The following ZFR2 variants were observed in gnomAD, a reference collection of about 807,000 sequenced individuals.
The protein encoded by ZFR2 is zinc finger RNA-binding protein 2.
A neutral mutation model predicts 105.7 loss-of-function variants in ZFR2; 104 were observed. The observed-to-expected ratio is 0.98, with a 90% CI of 0.84 to 1.16. ZFR2 has a LOEUF of 1.16. Ranked by LOEUF, ZFR2 falls within the 50% of genes most tolerant of loss-of-function variation. The pLI, the probability that ZFR2 is intolerant of heterozygous loss-of-function variation, is 0.00. For synonymous variants in ZFR2, 634 were observed against 597.7 expected (o/e 1.06, Z -0.89); for missense variants, 1,425 against 1,355.5 (o/e 1.05, Z -0.80).
chr19:3,819,574 C>T (rs1390266587), intron 11 of ZFR2, among the ~76,000 whole-genome samples: 1 of 152,230 alleles, frequency 6.6e-6, no homozygotes, highest in Non-Finnish European at 1.5e-5. Flanking sequence ...CCCATTGAGG[C>T]CGGGCGCGGT....
intron 9 of ZFR2, 85 bp downstream of exon 9, chr19:3,821,996 A>C (rs1599229014): frequency 6.7e-7 from 1 of 1,492,012 alleles, no homozygotes. Flanking sequence ...ACACGCGCGG[A>C]AGAGGCCCGA....
intron 1 of ZFR2, among the ~76,000 whole-genome samples, chr19:3,849,287 T>C (rs1004110725): frequency 1.3e-5 from 2 of 152,240 alleles, no homozygotes; most frequent in African/African-American, 4.8e-5. Context: ...GCTCCTGCTG[T>C]GCCTCCGCAC....
Position 3,822,173 on chromosome 19 carries a change from G to T in ZFR2, c.1399C>A (p.Arg467Ser), listed in dbSNP as rs768433061. The T allele has an allele frequency of 6.2e-7, 1 of 1,604,718 alleles. No individual in the cohort carries two copies. Among genetic ancestry groups the T allele is most frequent in the Non-Finnish European group, 8.5e-7 (1 of 1,176,116 alleles). Residue 467 changes from arginine to serine, a missense_variant, in exon 9 of 19, where the codon CGC (arginine) becomes AGC (serine). Physicochemically the swap from Arg to Ser is moderately radical, Grantham distance 110. Coordinates refer to ENST00000262961, the MANE Select transcript of ZFR2 (RefSeq NM_015174.2). ...EVFSDEGRVLRFHCKLCECSF... is the reference protein window; with the variant it reads ...EVFSDEGRVLSFHCKLCECSF... ...CACTCGCACAGCTTGCAGTGGAAGC[G>T]AAGCACTCGCCCTTCGTCGCTGAAC...
chr19:3,825,552 C>T, intron 6 of ZFR2, 145 bp from the exon 7 acceptor site: 1 of 1,120,834 alleles, frequency 8.9e-7, no homozygotes, highest in Non-Finnish European at 1.2e-6. Flanking sequence ...TCTCCTCCTG[C>T]TCTCTGGATA....
At position 3,851,260 on chromosome 19, in the gene ZFR2, C is replaced by T. The variant is rs1010800876; in HGVS notation, c.54-16277G>A. On this transcript the variant is annotated intron_variant, in intron 1 of 18. Transcript: ENST00000262961. ...CAGAACACATGCGCCATCATGTCAC[C>T]GGCAGGAAAGCACAGTCAAAGCCAG... Among the ~76,000 whole-genome samples the T allele has an allele frequency of 4.6e-5, 7 of 152,120 alleles. No homozygotes were observed. The South Asian group carries it at 6.2e-4, about 14-fold the overall frequency.
At chr19:3,815,263 T>C (rs900556945) in intron 13 of ZFR2, among the ~76,000 whole-genome samples, 1 of 152,116 alleles carries the variant, frequency 6.6e-6, no homozygotes, top group Non-Finnish European at 1.5e-5. Context: ...CTAATTTTTG[T>C]ATTTTTAGTA....
chr19:3,844,085 G>C (rs2038164817), intron 1 of ZFR2, among the ~76,000 whole-genome samples: 2 of 151,476 alleles, frequency 1.3e-5, no homozygotes, highest in South Asian at 4.2e-4. Flanking sequence ...CTTCAGTTTG[G>C]GAAGATGAGA....
intron 8 of ZFR2, 145 bp from the exon 9 acceptor site, chr19:3,822,345 T>A: frequency 1.5e-6 from 2 of 1,362,618 alleles, no homozygotes; most frequent in Non-Finnish European, 2.0e-6. Context: ...TCTTGCTGTG[T>A]CACCCAAGCT....
At chr19:3,844,309 T>A (rs1440343317) in intron 1 of ZFR2, among the ~76,000 whole-genome samples, 11 of 152,104 alleles carry the variant, frequency 7.2e-5, no homozygotes, top group Admixed American at 7.2e-4. Flanking sequence ...TAGAAATTTC[T>A]GAATATTATA....
chr19:3,847,059 G>C (rs1200615233), intron 1 of ZFR2, among the ~76,000 whole-genome samples: 1 of 152,146 alleles, frequency 6.6e-6, no homozygotes, highest in Non-Finnish European at 1.5e-5. Flanking sequence ...GCTGACTGTT[G>C]GTGGCAGTCC....
intron 13 of ZFR2, 53 bp from the exon 14 acceptor site, chr19:3,814,011 T>C: frequency 6.2e-7 from 1 of 1,605,206 alleles, no homozygotes; most frequent in Non-Finnish European, 8.5e-7. Context: ...CAGATTCATG[T>C]GTAAATCAGC....
In ZFR2 at chr19:3,827,567, G is replaced by A. The variant is rs200192294; in HGVS notation, c.939C>T (p.Arg313=). 1.5e-3 allele frequency: 2,284 copies of A among 1,567,982 alleles called. 1 individual carries two copies. Among genetic ancestry groups the A allele is most frequent in the Non-Finnish European group, 1.8e-3 (2,057 of 1,156,950 alleles). Residue 313 remains arginine (R), a synonymous_variant, in exon 6 of 19, where the codon CGC becomes CGT. Transcript: ENST00000262961. The part of the protein sequence containing the change: ...KTGVQPNGSP[R]GVQAQLHCDL... ...CGCAATGCAGCTGCGCCTGCACCCC[G>A]CGCGGGCTCCCGTTGGGCTGCACGC... is the stretch of plus-strand genomic sequence containing the variant.
chr19:3,810,785 G>C lies in ZFR2; in HGVS notation c.2398C>G (p.Arg800Gly), dbSNP rs367644907. The change falls in exon 16 of 19, where the codon CGG becomes GGG. Residue 800 changes from arginine to glycine, a missense_variant. By Grantham distance (125) the Arg-to-Gly change is moderately radical. Coordinates refer to ENST00000262961, the MANE Select transcript of ZFR2 (RefSeq NM_015174.2). ...AGGGCCCCCCAGGTGGGCACACGCCGGCAGAGGTCCCTCAGGACCCTGATG... is the reference window on the plus strand; with the variant it reads ...AGGGCCCCCCAGGTGGGCACACGCCCGCAGAGGTCCCTCAGGACCCTGATG... ...IVIRVLRDLCRRVPTWGALPA... is the reference protein window; with the variant it reads ...IVIRVLRDLCGRVPTWGALPA... 6.5e-7 allele frequency: 1 copy of C among 1,550,144 alleles called. No individual in the cohort carries two copies. The highest frequency in any genetic ancestry group is 2.0e-5 in the Admixed American group (1 of 50,986).
At chr19:3,855,534 C>T in intron 1 of ZFR2, 1 of 1,042,148 alleles carries the variant, frequency 9.6e-7, no homozygotes, top group East Asian at 3.2e-5. Flanking sequence ...AATAACCAGA[C>T]CAAAGTCCCG....
chr19:3,835,643 A>G (rs998714770), intron 1 of ZFR2, among the ~76,000 whole-genome samples: 2 of 150,910 alleles, frequency 1.3e-5, no homozygotes, highest in African/African-American at 4.9e-5. Context: ...AGAAAATTGA[A>G]CTTTAACAGC....
intron 1 of ZFR2, among the ~76,000 whole-genome samples, chr19:3,851,166 A>G (rs1464190904): frequency 3.3e-5 from 5 of 152,158 alleles, no homozygotes; most frequent in Non-Finnish European, 7.4e-5. Context: ...GGGAGCAGTT[A>G]GAGGGAAGGC....
At chr19:3,844,928 C>A (rs1483631355) in intron 1 of ZFR2, among the ~76,000 whole-genome samples, 2 of 152,166 alleles carry the variant, frequency 1.3e-5, no homozygotes, top group African/African-American at 2.4e-5. Flanking sequence ...CAGGCAGAAC[C>A]CTGATTGGGA....
At chr19:3,812,538 T>G (rs2037776660) in intron 14 of ZFR2, among the ~76,000 whole-genome samples, 1 of 151,796 alleles carries the variant, frequency 6.6e-6, no homozygotes, top group African/African-American at 2.4e-5. Flanking sequence ...TCCGCTCACT[T>G]CATCACCCAC....
intron 1 of ZFR2, among the ~76,000 whole-genome samples, chr19:3,850,733 A>G (rs2038229151): frequency 2.3e-5 from 1 of 43,392 alleles, no homozygotes; most frequent in African/African-American, 6.5e-5. Flanking sequence ...AAACAACAAC[A>G]ACAACAACAA....
Sources: gnomAD v4.1 joint callset for allele counts (sites outside exome capture counted in the v4.1 genomes callset) on GRCh38, gnomAD v4.1.1 for gene constraint, MANE v1.5 for transcripts, NCBI Gene and HGNC (gene_info 2026-07-23, HGNC 2026-07-21) for gene names.